The following MRAP2 variants were observed in gnomAD, a reference collection of about 807,000 sequenced individuals.
MRAP2 encodes the protein melanocortin-2 receptor accessory protein 2.
Under a neutral mutation model 17.4 loss-of-function variants are expected in MRAP2, and 20 were observed. The ratio of observed to expected loss-of-function variants is 1.15; its 90% CI spans 0.81 to 1.67. The LOEUF is 1.67. Among genes scored for constraint, MRAP2 ranks in the 40% most tolerant of loss-of-function variants. MRAP2 has a pLI of 0.00. For synonymous variants in MRAP2, 96 were observed against 88.4 expected (o/e 1.09, Z -0.48); for missense variants, 238 against 240.0 (o/e 0.99, Z 0.05).
At chr6:84,140,040 A>G in the MRAP2 span, among the ~76,000 whole-genome samples, 10 of 150,342 alleles carry the variant, frequency 6.7e-5, no homozygotes, top group Admixed American at 4.6e-4. Context: ...ATCTTGTTTT[A>G]TGTCCTGAGA....
Position 84,090,007 on chromosome 6 carries a change from G to A in MRAP2, c.*526G>A, listed in dbSNP as rs892743328. On this transcript the variant is annotated 3_prime_UTR_variant, in exon 4 of 4. Transcript: ENST00000257776. ...CCTATTGTCAGCATTCTTGGGTGAGGATTAGCCTACCATGTTCTAATCTGG... is the reference window on the plus strand; with the variant it reads ...CCTATTGTCAGCATTCTTGGGTGAGAATTAGCCTACCATGTTCTAATCTGG... The A allele has an allele frequency of 1.3e-5, 2 of 156,064 alleles. No homozygotes were observed. Among genetic ancestry groups the A allele is most frequent in the African/African-American group, 4.8e-5 (2 of 41,542 alleles). The allele number at this position is 156,064 out of a possible 1,614,324, so 9.7% of individuals were successfully genotyped here.
chr6:84,064,487 G>GT (rs35861298), intron 3 of MRAP2, among the ~76,000 whole-genome samples: 1 of 151,474 alleles, frequency 6.6e-6, no homozygotes, highest in South Asian at 2.1e-4. Context: ...GTTTTGTTTT[G>GT]TTTTTTTGTT....
At chr6:84,070,801 T>A (rs1447089894) in intron 3 of MRAP2, among the ~76,000 whole-genome samples, 1 of 152,202 alleles carries the variant, frequency 6.6e-6, no homozygotes, top group African/African-American at 2.4e-5. Context: ...GGACAAGGCC[T>A]TTACCATTAC....
chr6:84,126,464 G>A, the MRAP2 span: 4 of 1,576,824 alleles, frequency 2.5e-6, no homozygotes, highest in African/African-American at 4.0e-5. Flanking sequence ...TTCATCTCTG[G>A]TGTATGGTTT....
chr6:84,058,826 T>C (rs1029246025), intron 2 of MRAP2, among the ~76,000 whole-genome samples: 2 of 152,252 alleles, frequency 1.3e-5, no homozygotes, highest in Non-Finnish European at 2.9e-5. Flanking sequence ...CAAATGCTGC[T>C]ATTAGGTCAA....
intron 1 of MRAP2, among the ~76,000 whole-genome samples, chr6:84,038,400 A>G (rs2099486695): frequency 6.6e-6 from 1 of 152,212 alleles, no homozygotes; most frequent in African/African-American, 2.4e-5. Context: ...TTGCAGAAAT[A>G]GGGCAGATTT....
At chr6:84,145,282 A>G in the MRAP2 span, among the ~76,000 whole-genome samples, 2 of 152,136 alleles carry the variant, frequency 1.3e-5, no homozygotes, top group Admixed American at 6.6e-5. Flanking sequence ...AGCCTTTGGC[A>G]TGCGTTTCTA....
At chr6:84,046,805 A>T (rs2099489154) in intron 1 of MRAP2, among the ~76,000 whole-genome samples, 1 of 151,136 alleles carries the variant, frequency 6.6e-6, no homozygotes, top group Non-Finnish European at 1.5e-5. Context: ...AAAAAAAAAA[A>T]AGGAGAATTT....
intron 3 of MRAP2, among the ~76,000 whole-genome samples, chr6:84,083,305 T>C (rs796757564): frequency 4.6e-5 from 7 of 152,338 alleles, no homozygotes; most frequent in African/African-American, 1.4e-4. Context: ...GGATTACTCA[T>C]AGAAACTGAG....
At chr6:84,062,510 T>G (rs940023962) in intron 2 of MRAP2, 5 of 981,996 alleles carry the variant, frequency 5.1e-6, no homozygotes, top group Non-Finnish European at 4.8e-6. Flanking sequence ...GTTTTTCTTT[T>G]AACAGTAGGA....
the MRAP2 span, among the ~76,000 whole-genome samples, chr6:84,131,363 T>A: frequency 6.6e-6 from 1 of 152,220 alleles, no homozygotes; most frequent in Non-Finnish European, 1.5e-5. Context: ...TTATTAGGTC[T>A]GCTTGGTGCA....
chr6:84,104,305 C>T, the MRAP2 span, among the ~76,000 whole-genome samples: 1 of 152,186 alleles, frequency 6.6e-6, no homozygotes, highest in Non-Finnish European at 1.5e-5. Flanking sequence ...CCTCCTAGGC[C>T]TCTGTGCCTG....
chr6:84,075,586 A>T (rs2099497379), intron 3 of MRAP2, among the ~76,000 whole-genome samples: 1 of 152,194 alleles, frequency 6.6e-6, no homozygotes, highest in South Asian at 2.1e-4. Flanking sequence ...TGGCCCCATT[A>T]TCATAAATCT....
downstream of MRAP2, among the ~76,000 whole-genome samples, chr6:84,092,900 A>G (rs922380931): frequency 3.9e-5 from 6 of 152,220 alleles, no homozygotes; most frequent in Middle Eastern, 3.2e-3. Flanking sequence ...ATGGAAGGAA[A>G]AAATGAATCA....
At chr6:84,084,591 A>G (rs1202227738) in intron 3 of MRAP2, among the ~76,000 whole-genome samples, 2 of 152,226 alleles carry the variant, frequency 1.3e-5, no homozygotes, top group African/African-American at 4.8e-5. Context: ...GGAATGCCAT[A>G]AGCAGTGAGT....
intron 2 of MRAP2, among the ~76,000 whole-genome samples, chr6:84,060,694 T>C (rs948790886): frequency 6.6e-6 from 1 of 151,638 alleles, no homozygotes; most frequent in African/African-American, 2.4e-5. Flanking sequence ...TTACATCTTT[T>C]TTTTTTTTTG....
chr6:84,061,848 C>T, intron 2 of MRAP2: 1 of 985,394 alleles, frequency 1.0e-6, no homozygotes, highest in Non-Finnish European at 1.2e-6. Context: ...GTATAAAGTG[C>T]TTTATGTGTG....
the MRAP2 span, among the ~76,000 whole-genome samples, chr6:84,130,249 T>C: frequency 1.4e-4 from 21 of 152,282 alleles, no homozygotes; most frequent in Non-Finnish European, 1.5e-4. Context: ...TGCTGCTGGA[T>C]TTGGATTGCC....
intron 2 of MRAP2, among the ~76,000 whole-genome samples, chr6:84,061,493 T>A (rs1381623135): frequency 6.6e-6 from 1 of 152,200 alleles, no homozygotes; most frequent in East Asian, 1.9e-4. Context: ...GAGCCCTGTT[T>A]AGGGAATTAC....
Sources: gnomAD v4.1 joint callset for allele counts (sites outside exome capture counted in the v4.1 genomes callset) on GRCh38, gnomAD v4.1.1 for gene constraint, MANE v1.5 for transcripts, NCBI Gene and HGNC (gene_info 2026-07-23, HGNC 2026-07-21) for gene names.